NOL10: variants seen among roughly 807,000 people sequenced by gnomAD.
The protein encoded by NOL10 is H_NH0074G24.1.
Under a neutral mutation model 103.5 loss-of-function variants are expected in NOL10, and 58 were observed. The observed-to-expected ratio is 0.56, with a 90% CI of 0.45 to 0.70. The LOEUF is 0.70. Among genes scored for constraint, NOL10 ranks in the 30% least tolerant of loss-of-function variants. The pLI is 0.00. For missense variants in NOL10, 763 were observed against 807.3 expected (o/e 0.95, Z 0.67); for synonymous variants, 287 against 282.5 (o/e 1.02, Z -0.16).
At chr2:10,629,393 G>A (rs996097651) in intron 13 of NOL10, among the ~76,000 whole-genome samples, 12 of 151,556 alleles carry the variant, frequency 7.9e-5, no homozygotes, top group Non-Finnish European at 1.5e-4. Flanking sequence ...TAATTTCCAA[G>A]AGTTTATAAT....
chr2:10,599,838 G>A (rs1396179710), intron 17 of NOL10, among the ~76,000 whole-genome samples: 1 of 152,022 alleles, frequency 6.6e-6, no homozygotes, highest in East Asian at 1.9e-4. Flanking sequence ...CCATGAAGAC[G>A]AGCAATCGCC....
chr2:10,593,434 G>A lies in NOL10; in HGVS notation c.1423-3683C>T, dbSNP rs112669832. 6.6e-3 allele frequency among the ~76,000 whole-genome samples: 1,011 copies of A among 152,236 alleles called. 7 individuals are homozygous for A. The highest frequency in any genetic ancestry group is 0.017 in the Middle Eastern group (5 of 294). On this transcript the variant is annotated intron_variant, in intron 17 of 20. Coordinates refer to ENST00000381685, the MANE Select transcript of NOL10 (RefSeq NM_024894.4). ...TTACAGGCGTGAGCCACTGCACCCC[G>A]GCCAATCAAATTAGTTCTTTCAATG...
intron 20 of NOL10, among the ~76,000 whole-genome samples, chr2:10,574,981 G>GCATCTGGAAGGCCTTGCCGC (rs1487143832): frequency 6.6e-5 from 10 of 152,222 alleles, no homozygotes; most frequent in Admixed American, 6.5e-4. Flanking sequence ...TCCCAAGGCG[G>GCATCTGGAAGGCCTTGCCGC]CATCTGGAAG....
At chr2:10,669,154 G>A (rs1363102595) in intron 6 of NOL10, among the ~76,000 whole-genome samples, 2 of 151,386 alleles carry the variant, frequency 1.3e-5, no homozygotes, top group Admixed American at 6.6e-5. Flanking sequence ...GTGCAATAGC[G>A]CAATCTCAGC....
intron 14 of NOL10, among the ~76,000 whole-genome samples, chr2:10,606,658 A>C (rs1365928949): frequency 6.6e-6 from 1 of 151,956 alleles, no homozygotes; most frequent in Non-Finnish European, 1.5e-5. Context: ...GCCCTATCTC[A>C]TAAGTATTTG....
At chr2:10,606,634 T>C (rs1314580026) in intron 14 of NOL10, among the ~76,000 whole-genome samples, 2 of 150,316 alleles carry the variant, frequency 1.3e-5, no homozygotes, top group Non-Finnish European at 3.0e-5. Context: ...AAAAATACTA[T>C]CTGCACATAG....
chr2:10,585,395 CTAAACA>C (rs533829894), intron 19 of NOL10, among the ~76,000 whole-genome samples: 171 of 152,266 alleles, frequency 1.1e-3, no homozygotes, highest in Admixed American at 2.2e-3. Flanking sequence ...TCTGAAAAGG[CTAAACA>C]TAGAGTTACT....
intron 1 of NOL10, among the ~76,000 whole-genome samples, chr2:10,688,071 T>A (rs1389652579): frequency 6.6e-6 from 1 of 152,188 alleles, no homozygotes; most frequent in Non-Finnish European, 1.5e-5. Flanking sequence ...GATTCCTTCC[T>A]TTTTGTCACC....
rs5829271 is a variant in NOL10 at position 10,590,072 on chromosome 2, C to CAA, written c.1423-323_1423-322dup. The stretch of plus-strand genomic sequence containing the variant: ...AATTTCTTCAATTAACATTTTAATG[C>CAA]AAAAAAACACCTTTCAAGAAGATAC... On this transcript the variant is annotated intron_variant, in intron 17 of 20. Transcript: ENST00000381685. 6.5e-4 allele frequency among the ~76,000 whole-genome samples: 98 copies of CAA among 151,896 alleles called. 2 individuals carry two copies. In the East Asian group the frequency reaches 0.013, roughly 20 times the overall value.
Position 10,681,959 on chromosome 2 carries a change from A to G in NOL10, c.211+12T>C. On this transcript the variant is annotated intron_variant, in intron 3 of 20. Transcript: ENST00000381685. ...CAAAATGCATGAAAATCATAACCAA[A>G]AAGATGCTTACCAGTTGCTAAAATG... 3.9e-6 allele frequency: 5 copies of G among 1,278,720 alleles called. No individual in the cohort carries two copies. The highest frequency in any genetic ancestry group is 5.4e-5 in the East Asian group (2 of 37,022). 79.2% of individuals were successfully genotyped at this position (1,278,720 alleles called of 1,614,324 possible).
chr2:10,608,139 G>A (rs1008036258), intron 13 of NOL10, among the ~76,000 whole-genome samples: 6 of 151,822 alleles, frequency 4.0e-5, no homozygotes, highest in South Asian at 2.1e-4. Context: ...AATATCATGC[G>A]GTACACAACA....
At chr2:10,608,008 GA>G (rs1238720071) in intron 13 of NOL10, among the ~76,000 whole-genome samples, 2 of 151,864 alleles carry the variant, frequency 1.3e-5, no homozygotes, top group African/African-American at 2.4e-5. Context: ...TTGTATTCTT[GA>G]AAATCGCTAA....
intron 13 of NOL10, among the ~76,000 whole-genome samples, chr2:10,636,433 A>AC (rs1678226526): frequency 6.7e-6 from 1 of 149,780 alleles, no homozygotes; most frequent in African/African-American, 2.4e-5. Context: ...AAAAAAAAAA[A>AC]AAAAAAAAAA....
chr2:10,686,996 T>C (rs1439204682), intron 1 of NOL10, among the ~76,000 whole-genome samples: 5 of 152,196 alleles, frequency 3.3e-5, no homozygotes, highest in African/African-American at 4.8e-5. Flanking sequence ...GTGATAGTTA[T>C]CGATATGCAG....
chr2:10,675,615 A>T (rs1182086887), intron 4 of NOL10, among the ~76,000 whole-genome samples, 179 bp downstream of exon 4: 1 of 94,160 alleles, frequency 1.1e-5, no homozygotes, highest in East Asian at 3.0e-4. Context: ...ACCTGCATAG[A>T]CTTAAGATCT....
At position 10,677,822 on chromosome 2, in the gene NOL10, C is replaced by T. The variant is rs190035086; in HGVS notation, c.212-1951G>A. Among the ~76,000 whole-genome samples the T allele has an allele frequency of 2.2e-3, 332 of 148,192 alleles. 1 individual carries two copies. Among genetic ancestry groups the T allele is most frequent in the African/African-American group, 7.9e-3 (316 of 39,750 alleles). On this transcript the variant is annotated intron_variant, in intron 3 of 20. Transcript: ENST00000381685. Reference sequence around the variant, plus strand: ...TAAATATGAGCCCACTGTCGTATGGCAATAATTTTAATACATTTGTGTGTG... The same window carrying T: ...TAAATATGAGCCCACTGTCGTATGGTAATAATTTTAATACATTTGTGTGTG...
chr2:10,642,327 A>T (rs556312255), intron 13 of NOL10, among the ~76,000 whole-genome samples: 335 of 152,318 alleles, frequency 2.2e-3, no homozygotes, highest in African/African-American at 7.7e-3. Context: ...CACAACTACT[A>T]GAAAGGGAGC....
At chr2:10,658,899 T>C (rs1344851137) in intron 10 of NOL10, among the ~76,000 whole-genome samples, 2 of 152,200 alleles carry the variant, frequency 1.3e-5, no homozygotes. Flanking sequence ...GGCAACACAG[T>C]GAGACCCTGT....
chr2:10,667,481 G>A (rs968019158), intron 7 of NOL10, among the ~76,000 whole-genome samples: 1 of 152,208 alleles, frequency 6.6e-6, no homozygotes, highest in South Asian at 2.1e-4. Flanking sequence ...CTGATCCCCA[G>A]GGTGACACTC....
Sources: gnomAD v4.1 joint callset for allele counts (sites outside exome capture counted in the v4.1 genomes callset) on GRCh38, gnomAD v4.1.1 for gene constraint, MANE v1.5 for transcripts, NCBI Gene and HGNC (gene_info 2026-07-23, HGNC 2026-07-21) for gene names.